The following ZPBP variants were observed in gnomAD, a reference collection of about 807,000 sequenced individuals.
The protein encoded by ZPBP is zona pellucida binding protein, also known as zona pellucida-binding protein 1.
In ZPBP, 26 loss-of-function variants were observed where a neutral mutation model predicts 44.8. The ratio of observed to expected loss-of-function variants is 0.58; its 90% confidence interval spans 0.43 to 0.81. The LOEUF (loss-of-function observed/expected upper bound fraction) is 0.81, where lower values mean the gene tolerates loss of function less well. ZPBP is among the 30% of genes least tolerant of loss of function. ZPBP has a pLI of 0.00. For missense variants in ZPBP, 409 were observed against 434.0 expected, an observed-to-expected ratio of 0.94 and a Z score of 0.51; for synonymous variants, 174 against 153.2, an observed-to-expected ratio of 1.14 and a Z score of -1.00.
chr7:50,023,427 G>A (rs1799184484), intron 5 of ZPBP, among the ~76,000 whole-genome samples: 1 of 151,740 alleles, frequency 6.6e-6, no homozygotes, highest in Non-Finnish European at 1.5e-5. Flanking sequence ...AAGACCATAG[G>A]AAAGACAATA....
At chr7:50,019,455 T>C (rs1284823937) in intron 5 of ZPBP, among the ~76,000 whole-genome samples, 1 of 152,124 alleles carries the variant, frequency 6.6e-6, no homozygotes, top group African/African-American at 2.4e-5. Context: ...TCTACAGTAT[T>C]TACATAAGTT....
chr7:49,904,731 T>C (rs1792988944), intron 1 of ZPBP, among the ~76,000 whole-genome samples: 1 of 133,100 alleles, frequency 7.5e-6, no homozygotes, highest in Admixed American at 9.1e-5. Context: ...ACATAGCATA[T>C]ATTAATTTTT....
At chr7:50,055,607 T>C (rs1033783419) in intron 4 of ZPBP, among the ~76,000 whole-genome samples, 1 of 152,140 alleles carries the variant, frequency 6.6e-6, no homozygotes, top group Non-Finnish European at 1.5e-5. Flanking sequence ...AGACCAAAAA[T>C]AGCAGTGCCT....
intron 6 of ZPBP, among the ~76,000 whole-genome samples, chr7:50,001,516 C>T (rs1156876052): frequency 3.9e-5 from 6 of 152,070 alleles, no homozygotes; most frequent in African/African-American, 1.4e-4. Flanking sequence ...ATGCGAGGAA[C>T]ATAAAATTAC....
chr7:50,018,353 G>T (rs781542390), intron 5 of ZPBP, 37 bp from the exon 6 acceptor site: 2 of 1,390,386 alleles, frequency 1.4e-6, no homozygotes, highest in Non-Finnish European at 2.0e-6. Flanking sequence ...TGGGTATAAT[G>T]TATTCTGTCA....
At chr7:49,979,069 T>C (rs1012554271) in intron 7 of ZPBP, among the ~76,000 whole-genome samples, 2 of 152,008 alleles carry the variant, frequency 1.3e-5, no homozygotes, top group East Asian at 3.9e-4. Flanking sequence ...GCCCATAAAA[T>C]CCAAAAAATA....
At chr7:49,957,598 C>G (rs1211039807) in intron 7 of ZPBP, among the ~76,000 whole-genome samples, 1 of 152,196 alleles carries the variant, frequency 6.6e-6, no homozygotes, top group African/African-American at 2.4e-5. Flanking sequence ...GGTGTTAAGT[C>G]TTCAGGCAGG....
chr7:50,028,416 A>G (rs1245397047), intron 5 of ZPBP, among the ~76,000 whole-genome samples: 1 of 152,076 alleles, frequency 6.6e-6, no homozygotes, highest in Non-Finnish European at 1.5e-5. Flanking sequence ...TCCTAAGATC[A>G]AGAACAAGAC....
intron 6 of ZPBP, among the ~76,000 whole-genome samples, chr7:49,990,570 A>G (rs1285448881): frequency 6.6e-6 from 1 of 152,152 alleles, no homozygotes; most frequent in Non-Finnish European, 1.5e-5. Context: ...ACTCCTTTGA[A>G]AAAAACGTCC....
chr7:49,934,863 A>G (rs2128751187), downstream of ZPBP, among the ~76,000 whole-genome samples: 1 of 152,302 alleles, frequency 6.6e-6, no homozygotes, highest in South Asian at 2.1e-4. Context: ...TAATGAAATA[A>G]AAACTGGGAA....
At chr7:49,901,955 G>A (rs1002540247) in intron 1 of ZPBP, among the ~76,000 whole-genome samples, 3 of 150,012 alleles carry the variant, frequency 2.0e-5, no homozygotes, top group Non-Finnish European at 4.4e-5. Context: ...TTTTTTCAAC[G>A]AATGGTACTG....
At chr7:50,001,132 A>G (rs1351688) in intron 6 of ZPBP, among the ~76,000 whole-genome samples, 121,382 of 152,164 alleles carry the variant, frequency 0.8, 48,571 homozygotes, top group East Asian at 0.89. Flanking sequence ...ATAAATTTAT[A>G]CTGTTTAAGC....
chr7:49,879,142 C>T (rs375610635), intron 2 of ZPBP, among the ~76,000 whole-genome samples: 7 of 152,116 alleles, frequency 4.6e-5, no homozygotes, highest in East Asian at 1.9e-4. Context: ...TTAATGTCAA[C>T]GACTATATTT....
At chr7:49,882,439 A>G (rs1223619820) in intron 2 of ZPBP, among the ~76,000 whole-genome samples, 2 of 152,160 alleles carry the variant, frequency 1.3e-5, no homozygotes, top group East Asian at 1.9e-4. Context: ...TACATCCTAT[A>G]TGGAATTTAG....
intron 4 of ZPBP, among the ~76,000 whole-genome samples, chr7:50,045,105 T>C (rs6973689): frequency 0.49 from 74,861 of 151,972 alleles, 19,108 homozygotes; most frequent in East Asian, 0.67. Flanking sequence ...AACACCCCTT[T>C]ATGCTAAAAA....
chr7:50,025,791 C>G (rs1188846678), intron 5 of ZPBP, among the ~76,000 whole-genome samples: 1 of 151,684 alleles, frequency 6.6e-6, no homozygotes, highest in Admixed American at 6.6e-5. Flanking sequence ...ATTGTAAAAA[C>G]TGCTCTAAAA....
intron 4 of ZPBP, among the ~76,000 whole-genome samples, chr7:50,057,149 C>T (rs929996840): frequency 5.4e-5 from 8 of 148,038 alleles, no homozygotes; most frequent in African/African-American, 2.0e-4. Context: ...CGCACCACTG[C>T]ACACTCCAGC....
intron 2 of ZPBP, among the ~76,000 whole-genome samples, chr7:50,088,794 A>T (rs1802798345): frequency 6.6e-6 from 1 of 152,088 alleles, no homozygotes; most frequent in Admixed American, 6.5e-5. Context: ...GAACCCTCAT[A>T]CATTGCTGGT....
At chr7:49,850,915 G>A (rs535296746) in intron 2 of ZPBP, among the ~76,000 whole-genome samples, 1 of 152,334 alleles carries the variant, frequency 6.6e-6, no homozygotes, top group South Asian at 2.1e-4. Flanking sequence ...TGAAGTGATT[G>A]TGGCACCAGG....
Sources: gnomAD v4.1 joint callset for allele counts (sites outside exome capture counted in the v4.1 genomes callset) on GRCh38, gnomAD v4.1.1 for gene constraint, MANE v1.5 for transcripts, NCBI Gene and HGNC (gene_info 2026-07-23, HGNC 2026-07-21) for gene names.